LMBRD2: variants seen among roughly 807,000 people sequenced by gnomAD.
LMBRD2 encodes the protein LMBR1 domain containing 2.
A neutral mutation model predicts 94.4 loss-of-function variants in LMBRD2; 55 were observed. The observed-to-expected ratio is 0.58, with a 90% CI of 0.47 to 0.73. LMBRD2 has a LOEUF of 0.73. LMBRD2 is among the 30% of genes least tolerant of loss of function. The pLI, the probability that LMBRD2 is intolerant of heterozygous loss-of-function variation, is 0.00. For synonymous variants in LMBRD2, 246 were observed against 272.4 expected, an observed-to-expected ratio of 0.90 and a Z score of 0.95; for missense variants, 640 against 831.9, an observed-to-expected ratio of 0.77 and a Z score of 2.84.
At chr5:36,117,576 T>A (rs574080494) in intron 10 of LMBRD2, among the ~76,000 whole-genome samples, 159 bp downstream of exon 10, 49 of 152,250 alleles carry the variant, frequency 3.2e-4, no homozygotes, top group Admixed American at 5.9e-4. Context: ...ATTTCTATAG[T>A]GTGGGTAAAA....
At chr5:36,149,456 A>T (rs1744634821) in intron 1 of LMBRD2, among the ~76,000 whole-genome samples, 1 of 152,212 alleles carries the variant, frequency 6.6e-6, no homozygotes. Flanking sequence ...AAGTTAGCAG[A>T]TTATCAGAGG....
rs2111829320 is a variant in LMBRD2, at chr5:36,100,896, A to G, written c.*3150T>C. On this transcript the variant is annotated 3_prime_UTR_variant, in exon 18 of 18. Coordinates refer to ENST00000296603, the MANE Select transcript of LMBRD2 (RefSeq NM_001007527.2). ...AATTGCTCCATTAATATGCTAAAAT[A>G]TACTTTTAAAAAACCACACACATTG... 1 of 152,240 alleles carries G rather than the reference A, an allele frequency of 6.6e-6. No individual in the cohort carries two copies. Among genetic ancestry groups the G allele is most frequent in the East Asian group, 1.9e-4 (1 of 5,184 alleles). 9.4% of individuals were successfully genotyped at this position (152,240 alleles called of 1,614,324 possible).
chr5:36,121,195 T>C (rs1394652186), intron 9 of LMBRD2, among the ~76,000 whole-genome samples: 1 of 152,236 alleles, frequency 6.6e-6, no homozygotes, highest in African/African-American at 2.4e-5. Flanking sequence ...TAAACTGATA[T>C]ATACCAAGCT....
chr5:36,122,132 T>G, intron 9 of LMBRD2, 148 bp downstream of exon 9: 2 of 575,524 alleles, frequency 3.5e-6, no homozygotes, highest in Non-Finnish European at 5.9e-6. Flanking sequence ...ACAGTTATTT[T>G]GGGGAAATGT....
chr5:36,115,696 G>C (rs1298006602), intron 11 of LMBRD2, among the ~76,000 whole-genome samples: 1 of 150,226 alleles, frequency 6.7e-6, no homozygotes, highest in African/African-American at 2.5e-5. Flanking sequence ...TCCTGATTGT[G>C]TTGGTGGCTA....
chr5:36,110,912 G>A (rs565887317), intron 14 of LMBRD2, among the ~76,000 whole-genome samples: 43 of 152,088 alleles, frequency 2.8e-4, no homozygotes, highest in South Asian at 1.7e-3. Context: ...GTGTTATCTC[G>A]CTGCAGACAT....
At position 36,117,866 on chromosome 5, in the gene LMBRD2, C is replaced by T; in HGVS notation, c.1171G>A (p.Val391Met). Residue 391 changes from valine (V) to methionine (M), a missense_variant, in exon 10 of 18, where the codon GTG becomes ATG. Coordinates refer to ENST00000296603, the MANE Select transcript of LMBRD2 (RefSeq NM_001007527.2). ...ATCACAGAGAAGATGGACAGAACCACAGCAAGTATCTTGTAAAACCATGGT... is the reference window on the plus strand; with the variant it reads ...ATCACAGAGAAGATGGACAGAACCATAGCAAGTATCTTGTAAAACCATGGT... ...LRPWFYKILA[V>M]VLSIFSVIVV... 1 of 1,613,654 alleles carries T rather than the reference C, an allele frequency of 6.2e-7. No homozygotes were observed. Among genetic ancestry groups the T allele is most frequent in the South Asian group, 1.1e-5 (1 of 90,968 alleles).
At chr5:36,110,064 T>C (rs1343795534) in intron 14 of LMBRD2, 73 bp from the exon 15 acceptor site, 4 of 1,084,170 alleles carry the variant, frequency 3.7e-6, no homozygotes, top group African/African-American at 3.1e-5. Context: ...GAAGTAAAGA[T>C]AGCGGGCAAT....
chr5:36,142,630 A>G (rs1391464482), intron 2 of LMBRD2, 31 bp from the exon 3 acceptor site: 2 of 1,276,712 alleles, frequency 1.6e-6, no homozygotes, highest in Admixed American at 3.4e-5. Flanking sequence ...TTTAAAAATG[A>G]GAATCAAAAG....
intron 9 of LMBRD2, among the ~76,000 whole-genome samples, chr5:36,121,327 A>G (rs955035504): frequency 7.2e-5 from 11 of 152,224 alleles, no homozygotes; most frequent in Non-Finnish European, 1.5e-4. Context: ...GTTTTCTGAG[A>G]TATTTGTTAT....
At position 36,102,630 on chromosome 5, in the gene LMBRD2, A is replaced by G. The variant is rs992757231; in HGVS notation, c.*1416T>C. ...TCTATTCCTTTCAATATCTGCATAG[A>G]GCTGTGTTTTAAAAAAAAACTTACA... is the stretch of plus-strand genomic sequence containing the variant. On this transcript the variant is annotated 3_prime_UTR_variant, in exon 18 of 18. Transcript: ENST00000296603. 4 of 151,700 alleles carry G rather than the reference A, an allele frequency of 2.6e-5. No individual in the cohort carries two copies. Among genetic ancestry groups the G allele is most frequent in the African/African-American group, 7.2e-5 (3 of 41,386 alleles). The allele number at this position is 151,700 out of a possible 1,614,324, so 9.4% of individuals were successfully genotyped here.
chr5:36,138,470 T>C (rs1302174394), intron 4 of LMBRD2, among the ~76,000 whole-genome samples: 1 of 152,204 alleles, frequency 6.6e-6, no homozygotes, highest in African/African-American at 2.4e-5. Flanking sequence ...AATGTATAAT[T>C]CTATGCTTAT....
Position 36,136,066 on chromosome 5 carries a change from C to T in LMBRD2, c.747+243G>A, listed in dbSNP as rs569245605. On this transcript the variant is annotated intron_variant, in intron 6 of 17. Coordinates refer to ENST00000296603, the MANE Select transcript of LMBRD2 (RefSeq NM_001007527.2). ...TTAAAAGTTACCTCAAAATAATAGGCGTAGCCCTGCACTATTGAATATATT... is the reference window on the plus strand; with the variant it reads ...TTAAAAGTTACCTCAAAATAATAGGTGTAGCCCTGCACTATTGAATATATT... Among the ~76,000 whole-genome samples the T allele has an allele frequency of 2.0e-5, 3 of 152,300 alleles. No homozygotes were observed. The South Asian group carries it at 6.2e-4, about 32-fold the overall frequency.
chr5:36,136,309 C>A lies in LMBRD2; in HGVS notation c.747G>T (p.Glu249Asp). The A allele has an allele frequency of 6.2e-7, 1 of 1,613,796 alleles. No individual in the cohort carries two copies. Among genetic ancestry groups the A allele is most frequent in the Middle Eastern group, 1.7e-4 (1 of 6,060 alleles). Residue 249 changes from glutamate (E) to aspartate (D), a missense_variant and splice_region_variant, in exon 6 of 18, where the codon GAG becomes GAT. Transcript: ENST00000296603. ...DAEENLEDAM[E>D]EVRKVNESIK... Reference sequence around the variant, plus strand: ...GCTTATAAGGTTCAAACTTGCTTACCTCCATGGCATCTTCCAAATTCTCTT... The same window carrying A: ...GCTTATAAGGTTCAAACTTGCTTACATCCATGGCATCTTCCAAATTCTCTT...
At chr5:36,105,973 C>T (rs1248073142) in intron 16 of LMBRD2, among the ~76,000 whole-genome samples, 2 of 152,098 alleles carry the variant, frequency 1.3e-5, no homozygotes, top group Non-Finnish European at 2.9e-5. Context: ...TTAATGCAAG[C>T]CAATTCTATC....
At chr5:36,139,174 C>T (rs1744343953) in intron 4 of LMBRD2, among the ~76,000 whole-genome samples, 1 of 152,236 alleles carries the variant, frequency 6.6e-6, no homozygotes, top group Admixed American at 6.5e-5. Context: ...GCTCCTGACA[C>T]CTGCTCTGAT....
chr5:36,107,435 C>T (rs891511329), intron 16 of LMBRD2, among the ~76,000 whole-genome samples: 1 of 152,188 alleles, frequency 6.6e-6, no homozygotes, highest in African/African-American at 2.4e-5. Context: ...AAAAGCTAGA[C>T]ATTATGTGTA....
chr5:36,128,077 G>A (rs1053257088), intron 6 of LMBRD2, among the ~76,000 whole-genome samples: 17 of 152,134 alleles, frequency 1.1e-4, no homozygotes, highest in Admixed American at 7.9e-4. Context: ...CCAGTTGTCC[G>A]GGAGAAAGTA....
In LMBRD2 at chr5:36,101,933, T is replaced by A. The variant is rs1455887686; in HGVS notation, c.*2113A>T. 6.6e-6 allele frequency: 1 copy of A among 152,040 alleles called. No homozygotes were observed. Among genetic ancestry groups the A allele is most frequent in the East Asian group, 1.9e-4 (1 of 5,174 alleles). The allele number at this position is 152,040 out of a possible 1,614,324, so 9.4% of individuals were successfully genotyped here. On this transcript the variant is annotated 3_prime_UTR_variant, in exon 18 of 18. Transcript: ENST00000296603. The stretch of plus-strand genomic sequence containing the variant: ...TTATAAAAGTTAGTTATAAAAGTAA[T>A]TGGCTAATTTCTTTTCCTTTTCTGC...
Sources: gnomAD v4.1 joint callset for allele counts (sites outside exome capture counted in the v4.1 genomes callset) on GRCh38, gnomAD v4.1.1 for gene constraint, MANE v1.5 for transcripts, NCBI Gene and HGNC (gene_info 2026-07-23, HGNC 2026-07-21) for gene names.